CPAMD8: variants seen among roughly 807,000 people sequenced by gnomAD.
CPAMD8 encodes the protein C3 and PZP-like alpha-2-macroglobulin domain-containing protein 8.
CPAMD8 carries 146 observed loss-of-function variants against 224.7 expected under a neutral mutation model. That is an observed-to-expected ratio of 0.65 (90% CI 0.57 to 0.75). The LOEUF (loss-of-function observed/expected upper bound fraction) is 0.75. Ranked by LOEUF, CPAMD8 falls within the 30% of genes least tolerant of loss-of-function variation. The pLI, the probability that CPAMD8 is intolerant of heterozygous loss-of-function variation, is 0.00. For synonymous variants in CPAMD8, 966 were observed against 1,044.6 expected (o/e 0.92, Z 1.45); for missense variants, 2,301 against 2,537.5 (o/e 0.91, Z 2.00).
rs143250063 is a variant in CPAMD8, at chr19:16,903,403, C to T, written c.4470+158G>A. 1.1e-3 allele frequency among the ~76,000 whole-genome samples: 171 copies of T among 152,074 alleles called. 1 individual carries two copies. The highest frequency in any genetic ancestry group is 4.0e-3 in the African/African-American group (167 of 41,466). ...ACCTGAGAGGACCCATGGCCACCTG[C>T]CTTGGGCAGTATTAGAAGGCTGAAA... On this transcript the variant is annotated intron_variant, in intron 34 of 41. Transcript: ENST00000443236.
chr19:16,984,147 A>G lies in CPAMD8; in HGVS notation c.1396-3461T>C, dbSNP rs139370930. ...ACAGTGCTGAGACAACTGAATAGGT[A>G]CATGCAAAAGAGTGAAGTTGGTCTG... On this transcript the variant is annotated intron_variant, in intron 13 of 41. Coordinates refer to ENST00000443236, the MANE Select transcript of CPAMD8 (RefSeq NM_015692.5). Among the ~76,000 whole-genome samples, 965 of 152,120 alleles carry G rather than the reference A, an allele frequency of 6.3e-3. 5 individuals carry two copies. The highest frequency in any genetic ancestry group is 0.022 in the African/African-American group (917 of 41,522).
intron 27 of CPAMD8, among the ~76,000 whole-genome samples, chr19:16,920,207 C>T (rs990340255): frequency 3.9e-5 from 6 of 152,194 alleles, no homozygotes; most frequent in African/African-American, 1.2e-4. Flanking sequence ...CAGCCATGCG[C>T]GGTGGCTCAC....
chr19:16,957,309 G>T (rs2054504104), intron 19 of CPAMD8, among the ~76,000 whole-genome samples: 1 of 152,220 alleles, frequency 6.6e-6, no homozygotes, highest in African/African-American at 2.4e-5. Context: ...AAACTGGTTT[G>T]CCGGGGCACG....
chr19:16,930,127 T>A (rs1014825039), intron 23 of CPAMD8, among the ~76,000 whole-genome samples: 1 of 151,886 alleles, frequency 6.6e-6, no homozygotes, highest in Non-Finnish European at 1.5e-5. Context: ...TGGGGGTAGG[T>A]GCCTGTAATC....
At chr19:17,002,934 C>T (rs1028095814) in intron 8 of CPAMD8, among the ~76,000 whole-genome samples, 2 of 135,922 alleles carry the variant, frequency 1.5e-5, no homozygotes, top group Admixed American at 7.7e-5. Context: ...GACAGATTGT[C>T]ACTGTGTTTC....
At chr19:16,893,730 C>T (rs371145570) in intron 41 of CPAMD8, 6 of 187,550 alleles carry the variant, frequency 3.2e-5, no homozygotes, top group Non-Finnish European at 5.5e-5. Context: ...CAGGAACTCA[C>T]GGTGAGGAAG....
chr19:17,019,760 G>C (rs191659123), intron 3 of CPAMD8, among the ~76,000 whole-genome samples: 1 of 151,104 alleles, frequency 6.6e-6, no homozygotes, highest in Non-Finnish European at 1.5e-5. Context: ...GTAGAGACAG[G>C]ATTTTACCAT....
chr19:17,000,307 G>A, intron 10 of CPAMD8, 107 bp downstream of exon 10: 1 of 603,586 alleles, frequency 1.7e-6, no homozygotes, highest in Non-Finnish European at 3.0e-6. Context: ...ACTTTTTAAA[G>A]GCAGTAAATA....
rs2051832127 is a variant in CPAMD8 at position 16,893,303 on chromosome 19, C to T, written c.5463G>A (p.Gly1821=). 6.4e-7 allele frequency: 1 copy of T among 1,550,590 alleles called. No homozygotes were observed. Residue 1821 remains glycine (G), a synonymous_variant, in exon 42 of 42, where the codon GGG becomes GGA. Transcript: ENST00000443236. ...CGCTCTGGGTGCTGCTTTCCAGGTTCCCGCTGCTCACAGGAGGCCGAGGCC... is the reference window on the plus strand; with the variant it reads ...CGCTCTGGGTGCTGCTTTCCAGGTTTCCGCTGCTCACAGGAGGCCGAGGCC... ...TAGPRPPVSS[G]NLESSTQSAS...
At chr19:16,955,168 G>A (rs1315800197) in intron 19 of CPAMD8, among the ~76,000 whole-genome samples, 1 of 152,014 alleles carries the variant, frequency 6.6e-6, no homozygotes, top group Non-Finnish European at 1.5e-5. Flanking sequence ...GGTGGCGCAT[G>A]CCTATAGTCC....
intron 19 of CPAMD8, among the ~76,000 whole-genome samples, chr19:16,956,166 C>G (rs2054467017): frequency 6.6e-6 from 1 of 152,128 alleles, no homozygotes; most frequent in African/African-American, 2.4e-5. Flanking sequence ...ACCCCACCCC[C>G]ACAGCCCACA....
At chr19:16,944,300 A>G (rs996567888) in intron 22 of CPAMD8, among the ~76,000 whole-genome samples, 6 of 152,134 alleles carry the variant, frequency 3.9e-5, no homozygotes, top group Non-Finnish European at 8.8e-5. Flanking sequence ...TTGCATCAAC[A>G]TTTCAAGTCT....
intron 30 of CPAMD8, among the ~76,000 whole-genome samples, chr19:16,905,032 G>A (rs1338682498): frequency 1.3e-5 from 2 of 152,126 alleles, no homozygotes; most frequent in Non-Finnish European, 2.9e-5. Flanking sequence ...TTTGAGGTCA[G>A]GAGTTCAAGA....
intron 18 of CPAMD8, among the ~76,000 whole-genome samples, chr19:16,964,442 G>A (rs2054757825): frequency 6.6e-6 from 1 of 152,128 alleles, no homozygotes; most frequent in Admixed American, 6.6e-5. Context: ...AAATCTAGAA[G>A]AAATGGATAA....
At chr19:17,019,701 G>A (rs918696957) in intron 3 of CPAMD8, among the ~76,000 whole-genome samples, 1 of 150,954 alleles carries the variant, frequency 6.6e-6, no homozygotes, top group East Asian at 2.0e-4. Flanking sequence ...GAGAACAGGC[G>A]TGAACCACCA....
intron 30 of CPAMD8, among the ~76,000 whole-genome samples, chr19:16,905,415 C>T (rs554441236): frequency 7.3e-5 from 11 of 150,880 alleles, no homozygotes; most frequent in African/African-American, 2.4e-4. Flanking sequence ...CTCATCTCTA[C>T]TAAAAAATAC....
At chr19:17,016,311 C>T (rs919693711) in intron 3 of CPAMD8, among the ~76,000 whole-genome samples, 11 of 152,160 alleles carry the variant, frequency 7.2e-5, no homozygotes, top group Non-Finnish European at 1.0e-4. Context: ...TCTTAAGAGC[C>T]CTTGGCCCCT....
intron 13 of CPAMD8, among the ~76,000 whole-genome samples, chr19:16,988,860 G>A (rs1490194945): frequency 1.3e-5 from 2 of 152,086 alleles, no homozygotes; most frequent in Non-Finnish European, 2.9e-5. Context: ...ATTTACAGCC[G>A]CTCGCATCAC....
chr19:16,986,193 G>A (rs150610135), intron 13 of CPAMD8, among the ~76,000 whole-genome samples: 1,682 of 152,190 alleles, frequency 0.011, 24 homozygotes, highest in African/African-American at 0.029. Context: ...GGGCCCTGGC[G>A]CTAGAAGAAG....
Sources: gnomAD v4.1 joint callset for allele counts (sites outside exome capture counted in the v4.1 genomes callset) on GRCh38, gnomAD v4.1.1 for gene constraint, MANE v1.5 for transcripts, NCBI Gene and HGNC (gene_info 2026-07-23, HGNC 2026-07-21) for gene names.